The following KHDRBS1 variants were observed in gnomAD, a reference collection of about 807,000 sequenced individuals.
KHDRBS1 encodes the protein KH RNA binding domain containing, signal transduction associated 1, also known as KH domain-containing, RNA-binding, signal transduction-associated protein 1.
In KHDRBS1, 7 loss-of-function variants were observed where a neutral mutation model predicts 48.4. The observed-to-expected ratio is 0.14, with a 90% CI of 0.08 to 0.27. The LOEUF is 0.27. KHDRBS1 is among the 10% of genes least tolerant of loss of function. The probability of loss-of-function intolerance (pLI) is 1.00; values close to 1 mark genes in which losing one functional copy is unlikely to be tolerated. For synonymous variants in KHDRBS1, 241 were observed against 235.8 expected (o/e 1.02, Z -0.20); for missense variants, 458 against 601.2 (o/e 0.76, Z 2.49).
At chr1:32,023,234 G>A (rs986667602) in intron 1 of KHDRBS1, among the ~76,000 whole-genome samples, 1 of 152,118 alleles carries the variant, frequency 6.6e-6, no homozygotes, top group African/African-American at 2.4e-5. Context: ...GGTGGGAAAG[G>A]TTAAGTTATA....
chr1:32,029,449 G>C (rs375353779), intron 1 of KHDRBS1, among the ~76,000 whole-genome samples: 1 of 152,122 alleles, frequency 6.6e-6, no homozygotes, highest in East Asian at 1.9e-4. Context: ...CCTGAGGTCG[G>C]GAGTTCGAGA....
intron 5 of KHDRBS1, 83 bp downstream of exon 5, chr1:32,037,126 C>T (rs1362937483): frequency 4.8e-6 from 7 of 1,444,798 alleles, no homozygotes; most frequent in Non-Finnish European, 6.6e-6. Flanking sequence ...TTATGTCTAG[C>T]TTAGGAAGGG....
intron 1 of KHDRBS1, among the ~76,000 whole-genome samples, chr1:32,024,424 C>T (rs1638922287): frequency 1.3e-5 from 2 of 152,030 alleles, no homozygotes; most frequent in Admixed American, 6.6e-5. Context: ...GATCGTCCTG[C>T]CTCAGCCTCT....
At position 32,042,532 on chromosome 1, in the gene KHDRBS1, G is replaced by T. The variant is rs1261727666; in HGVS notation, c.1240G>T (p.Asp414Tyr). Residue 414 changes from aspartate (D) to tyrosine (Y), a missense_variant, in exon 9 of 9, where the codon GAC becomes TAC. By Grantham distance (160) the Asp-to-Tyr change is radical. Coordinates refer to ENST00000327300, the MANE Select transcript of KHDRBS1 (RefSeq NM_006559.3). ...VQDSYEAYGQDDWNGTRPSLK... is the reference protein window; with the variant it reads ...VQDSYEAYGQYDWNGTRPSLK... ...TGTCTTTGTTTTCCCCACAGGCCAG[G>T]ACGACTGGAATGGGACCAGGCCGTC... 6.2e-7 allele frequency: 1 copy of T among 1,612,704 alleles called. No homozygotes were observed. Among genetic ancestry groups the T allele is most frequent in the Non-Finnish European group, 8.5e-7 (1 of 1,178,792 alleles).
chr1:32,025,979 GT>G (rs1638962862), intron 1 of KHDRBS1, among the ~76,000 whole-genome samples: 1 of 150,694 alleles, frequency 6.6e-6, no homozygotes, highest in African/African-American at 2.5e-5. Context: ...GGGTCTCGCT[GT>G]GTTGCCCAAG....
At chr1:32,036,882 C>T in intron 4 of KHDRBS1, 28 bp from the exon 5 acceptor site, 3 of 1,602,168 alleles carry the variant, frequency 1.9e-6, no homozygotes, top group African/African-American at 2.7e-5. Context: ...AGATACCACA[C>T]AATACTCCTT....
intron 1 of KHDRBS1, among the ~76,000 whole-genome samples, chr1:32,021,196 A>C (rs1638851430): frequency 6.6e-6 from 1 of 152,170 alleles, no homozygotes; most frequent in Non-Finnish European, 1.5e-5. Context: ...CATAGTCAAT[A>C]TGACAGAGTT....
chr1:32,029,497 A>C (rs1569787554), intron 1 of KHDRBS1, among the ~76,000 whole-genome samples: 1 of 152,104 alleles, frequency 6.6e-6, no homozygotes, highest in East Asian at 1.9e-4. Flanking sequence ...TTCTCTACTA[A>C]AGATACAAAA....
At chr1:32,017,132 CCTG>C (rs1638757853) in intron 1 of KHDRBS1, among the ~76,000 whole-genome samples, 1 of 152,092 alleles carries the variant, frequency 6.6e-6, no homozygotes, top group South Asian at 2.1e-4. Context: ...GTGGCACATG[CCTG>C]TAATCCCAGC....
chr1:32,014,471 C>T, intron 1 of KHDRBS1, 94 bp downstream of exon 1: 1 of 1,200,282 alleles, frequency 8.3e-7, no homozygotes, highest in Non-Finnish European at 1.1e-6. Context: ...CCCCTCGGGA[C>T]CGAGGCAGTC....
At chr1:32,034,153 TC>T (rs1639132001) in intron 4 of KHDRBS1, among the ~76,000 whole-genome samples, 1 of 152,230 alleles carries the variant, frequency 6.6e-6, no homozygotes, top group African/African-American at 2.4e-5. Flanking sequence ...CGTCATGTGT[TC>T]ATCAGAAAAC....
intron 10 of KHDRBS1, among the ~76,000 whole-genome samples, chr1:32,050,513 T>C (rs564098158): frequency 6.6e-6 from 1 of 152,164 alleles, no homozygotes; most frequent in African/African-American, 2.4e-5. Context: ...GTTTGTTTGT[T>C]TGTTTGTTTG....
In KHDRBS1 at chr1:32,042,535, G is replaced by T; in HGVS notation, c.1243G>T (p.Asp415Tyr). The T allele has an allele frequency of 6.2e-7, 1 of 1,612,740 alleles. No homozygotes were observed. The highest frequency in any genetic ancestry group is 8.5e-7 in the Non-Finnish European group (1 of 1,178,862). The change falls in exon 9 of 9, where the codon GAC (aspartate) becomes TAC (tyrosine). Residue 415 changes from aspartate (D) to tyrosine (Y), a missense_variant. Asp to Tyr is a radical substitution (Grantham distance 160). Around this residue, in one of 3 missense-constraint regions of KHDRBS1, gnomAD observed 171 missense variants for 228.7 expected, o/e 0.75. Transcript: ENST00000327300. ...CTTTGTTTTCCCCACAGGCCAGGAC[G>T]ACTGGAATGGGACCAGGCCGTCGCT... The part of the protein sequence containing the change: ...QDSYEAYGQD[D>Y]WNGTRPSLKA...
In KHDRBS1 at chr1:32,013,889, C is replaced by T. The variant is rs367965800; in HGVS notation, c.-107C>T. 1.2e-4 allele frequency: 136 copies of T among 1,098,894 alleles called. No homozygotes were observed. Among genetic ancestry groups the T allele is most frequent in the Non-Finnish European group, 1.5e-4 (127 of 844,676 alleles). 68.1% of individuals were successfully genotyped at this position (1,098,894 alleles called of 1,614,324 possible). On this transcript the variant is annotated 5_prime_UTR_variant, in exon 1 of 9. Transcript: ENST00000327300. ...CTCTCTCTCGCTGGGTCGCTCGGGT[C>T]GGCTTCGGTCGCTACCGCTCCCGCT...
intron 4 of KHDRBS1, 50 bp downstream of exon 4, chr1:32,033,384 TTA>T (rs1316224970): frequency 6.2e-7 from 1 of 1,606,466 alleles, no homozygotes; most frequent in Non-Finnish European, 8.5e-7. Flanking sequence ...AACTGGGATC[TTA>T]TACTGTTGTG....
chr1:32,059,276 G>A (rs1303530832), intron 10 of KHDRBS1, among the ~76,000 whole-genome samples: 2 of 151,740 alleles, frequency 1.3e-5, no homozygotes, highest in African/African-American at 4.8e-5. Flanking sequence ...TTAAAAGATC[G>A]GAAGCACTGG....
chr1:32,034,147 A>G (rs1399263783), intron 4 of KHDRBS1, among the ~76,000 whole-genome samples: 2 of 152,246 alleles, frequency 1.3e-5, no homozygotes, highest in Non-Finnish European at 2.9e-5. Flanking sequence ...AGTAAGCGTC[A>G]TGTGTTCATC....
intron 4 of KHDRBS1, among the ~76,000 whole-genome samples, chr1:32,034,938 G>A (rs894891423): frequency 1.1e-4 from 16 of 149,496 alleles, no homozygotes; most frequent in African/African-American, 3.0e-4. Flanking sequence ...CCGAGATTGC[G>A]CCACTGCACT....
At chr1:32,027,260 G>C (rs985986766) in intron 1 of KHDRBS1, among the ~76,000 whole-genome samples, 1 of 152,192 alleles carries the variant, frequency 6.6e-6, no homozygotes, top group Non-Finnish European at 1.5e-5. Flanking sequence ...GCTCCTTGGT[G>C]ATGTTCTCAG....
Sources: gnomAD v4.1 joint callset for allele counts (sites outside exome capture counted in the v4.1 genomes callset) on GRCh38, gnomAD v4.1.1 for gene constraint, gnomAD v4.1.1 regional missense constraint, MANE v1.5 for transcripts, NCBI Gene and HGNC (gene_info 2026-07-23, HGNC 2026-07-21) for gene names.